RNF32: variants seen among roughly 807,000 people sequenced by gnomAD.
RNF32 encodes ring finger protein 32.
In RNF32, 36 loss-of-function variants were observed where a neutral mutation model predicts 41.0. The ratio of observed to expected loss-of-function variants is 0.88; its 90% CI spans 0.67 to 1.16. The LOEUF (loss-of-function observed/expected upper bound fraction) is 1.16, where lower values mean the gene tolerates loss of function less well. Among genes scored for constraint, RNF32 ranks in the 50% most tolerant of loss-of-function variants. RNF32 has a pLI of 0.00. For missense variants in RNF32, 413 were observed against 436.7 expected (o/e 0.95, Z 0.48); for synonymous variants, 154 against 160.9 (o/e 0.96, Z 0.32).
At position 156,676,590 on chromosome 7, in the gene RNF32, A is replaced by G; in HGVS notation, c.1024A>G (p.Arg342Gly). The G allele has an allele frequency of 6.2e-7, 1 of 1,614,234 alleles. No individual in the cohort carries two copies. Among genetic ancestry groups the G allele is most frequent in the Non-Finnish European group, 8.5e-7 (1 of 1,180,036 alleles). ...ACTAGAGGAGTTCTCCGTGGGAGAC[A>G]GGCCTCCTTTCCATGCCTGTCCTCT... ...LALEEFSVGDRPPFHACPLCR... is the reference protein window; with the variant it reads ...LALEEFSVGDGPPFHACPLCR... Residue 342 changes from arginine to glycine, a missense_variant, in exon 9 of 9, where the codon AGG becomes GGG. Arg to Gly is a moderately radical substitution (Grantham distance 125, BLOSUM62 -2). Transcript: ENST00000317955.
At chr7:156,649,671 C>T (rs774639248) in intron 3 of RNF32, among the ~76,000 whole-genome samples, 3 of 151,972 alleles carry the variant, frequency 2.0e-5, no homozygotes, top group Non-Finnish European at 2.9e-5. Flanking sequence ...TTTAGATGAG[C>T]GTGTTTGTTG....
rs768738781 is a variant in RNF32 at position 156,644,746 on chromosome 7, C to T, written c.263C>T (p.Pro88Leu). 1.1e-5 allele frequency: 18 copies of T among 1,606,878 alleles called. No homozygotes were observed. The highest frequency in any genetic ancestry group is 5.4e-5 in the African/African-American group (4 of 74,216). The change falls in exon 3 of 9, where the codon CCG becomes CTG. Residue 88 changes from proline (P) to leucine (L), a missense_variant. Physicochemically the swap from Pro to Leu is moderately conservative, Grantham distance 98. Transcript: ENST00000317955. ...KEYVLDPKPP[P>L]LTLAQKLGLI... Reference sequence around the variant, plus strand: ...TATGTTCTTGATCCCAAACCGCCGCCGTTGACTTTGGGTAAGCTGACGTAG... The same window carrying T: ...TATGTTCTTGATCCCAAACCGCCGCTGTTGACTTTGGGTAAGCTGACGTAG...
intron 3 of RNF32, among the ~76,000 whole-genome samples, chr7:156,650,780 C>T (rs576810136): frequency 2.6e-4 from 39 of 152,346 alleles, no homozygotes; most frequent in Admixed American, 5.2e-4. Context: ...AAGAGCTGCC[C>T]TGAGGCAGCG....
At chr7:156,651,920 T>G (rs1304271639) in intron 3 of RNF32, among the ~76,000 whole-genome samples, 1 of 152,050 alleles carries the variant, frequency 6.6e-6, no homozygotes, top group Non-Finnish European at 1.5e-5. Flanking sequence ...CCCCGGCCCC[T>G]CCCCGGGCTC....
At chr7:156,645,327 G>A (rs141904550) in intron 3 of RNF32, among the ~76,000 whole-genome samples, 73 of 152,282 alleles carry the variant, frequency 4.8e-4, no homozygotes, top group Admixed American at 2.0e-3. Flanking sequence ...AGTAACGCAC[G>A]GGCCAGCATC....
intron 1 of RNF32, 154 bp from the exon 2 acceptor site, chr7:156,643,647 T>A: frequency 1.8e-6 from 1 of 571,388 alleles, no homozygotes; most frequent in South Asian, 2.4e-5. Context: ...GTTCACCCCC[T>A]TCCTCCAGAA....
rs546648754 is a variant in RNF32 at position 156,658,444 on chromosome 7, C to A, written c.576-18C>A. 16 of 1,591,162 alleles carry A rather than the reference C, an allele frequency of 1.0e-5. No homozygotes were observed. The highest frequency in any genetic ancestry group is 8.4e-5 in the Admixed American group (5 of 59,824). On this transcript the variant is annotated intron_variant, in intron 6 of 8. Coordinates refer to ENST00000317955, the MANE Select transcript of RNF32 (RefSeq NM_030936.4). ...AGAGTCATCATAAATTAGTCATTTT[C>A]AAATATCTGTGTTTTAGAATCCAAG...
intron 7 of RNF32, among the ~76,000 whole-genome samples, chr7:156,664,985 C>T (rs1473938458): frequency 6.6e-6 from 1 of 152,026 alleles, no homozygotes; most frequent in Non-Finnish European, 1.5e-5. Context: ...TAAAATGAGG[C>T]TTGTTAAGCT....
intron 7 of RNF32, among the ~76,000 whole-genome samples, chr7:156,674,785 T>G (rs189488821): frequency 6.6e-6 from 1 of 152,366 alleles, no homozygotes; most frequent in African/African-American, 2.4e-5. Context: ...AAAATTAATT[T>G]CACCTTTTAA....
At position 156,641,916 on chromosome 7, in the gene RNF32, G is replaced by T. The variant is rs186450152; in HGVS notation, c.-78+1105G>T. Among the ~76,000 whole-genome samples, 18 of 152,324 alleles carry T rather than the reference G, an allele frequency of 1.2e-4. No homozygotes were observed. In the South Asian group the frequency reaches 1.2e-3, roughly 11 times the overall value. ...TGAACGGGAACAGAAAAGGGCTGTA[G>T]TAAGAACCATCATCAAAGCCTCCAG... On this transcript the variant is annotated intron_variant, in intron 1 of 8. Coordinates refer to ENST00000317955, the MANE Select transcript of RNF32 (RefSeq NM_030936.4).
intron 7 of RNF32, among the ~76,000 whole-genome samples, chr7:156,668,179 A>T (rs939806761): frequency 2.0e-5 from 3 of 152,198 alleles, no homozygotes; most frequent in Non-Finnish European, 2.9e-5. Flanking sequence ...CACAGGAAAA[A>T]GTTAACACTG....
chr7:156,675,151 G>A (rs576276917), intron 7 of RNF32, among the ~76,000 whole-genome samples: 22 of 152,218 alleles, frequency 1.4e-4, no homozygotes, highest in Non-Finnish European at 2.8e-4. Context: ...AAGGGGCAGC[G>A]GAGACCCGAA....
intron 3 of RNF32, among the ~76,000 whole-genome samples, chr7:156,645,022 T>TA (rs1797811055): frequency 6.6e-6 from 1 of 152,064 alleles, no homozygotes. Context: ...TAAAAATAAA[T>TA]AATTGAGTAA....
intron 3 of RNF32, among the ~76,000 whole-genome samples, chr7:156,651,926 G>A (rs1798795501): frequency 1.3e-5 from 2 of 152,024 alleles, no homozygotes; most frequent in Admixed American, 1.3e-4. Flanking sequence ...CCCCTCCCCG[G>A]GCTCCCTCTT....
intron 7 of RNF32, among the ~76,000 whole-genome samples, chr7:156,671,663 C>T (rs765244232): frequency 1.3e-5 from 2 of 152,176 alleles, no homozygotes; most frequent in African/African-American, 2.4e-5. Context: ...GTTTGCGGTA[C>T]AGGCGGTCCT....
chr7:156,676,944 TA>T lies in RNF32; in HGVS notation c.*290del. The T allele has an allele frequency of 2.9e-6, 1 of 349,818 alleles. No individual in the cohort carries two copies. Among genetic ancestry groups the T allele is most frequent in the Admixed American group, 4.2e-5 (1 of 23,764 alleles). 21.7% of individuals were successfully genotyped at this position (349,818 alleles called of 1,614,324 possible). ...CTAAAAATTGAGGTTAAGATATAGC[TA>T]GTGTCTGAACGACACTCCTTAAAGT... is the stretch of plus-strand genomic sequence containing the variant. On this transcript the variant is annotated 3_prime_UTR_variant, in exon 9 of 9. Transcript: ENST00000317955.
At position 156,676,439 on chromosome 7, in the gene RNF32, CG is replaced by C; in HGVS notation, c.874del (p.Glu292SerfsTer43). Reference sequence around the variant, plus strand: ...CGCAGGCTCTGCGCCGGGAGACCCACGAGTGCTCCATCTGCCTGGCCCCTCT... The same window carrying C: ...CGCAGGCTCTGCGCCGGGAGACCCACAGTGCTCCATCTGCCTGGCCCCTCT... Reference protein sequence around the residue: ...QVQALRRETHECSICLAPLSA... With the variant: ...QVQALRRETHXCSICLAPLSA... On this transcript the variant is annotated frameshift_variant, in exon 9 of 9. Coordinates refer to ENST00000317955, the MANE Select transcript of RNF32 (RefSeq NM_030936.4). LOFTEE classifies it low-confidence loss of function (END_TRUNC). 1.2e-6 allele frequency: 2 copies of C among 1,613,886 alleles called. No homozygotes were observed. The highest frequency in any genetic ancestry group is 1.7e-6 in the Non-Finnish European group (2 of 1,179,950).
rs1414803243 is a variant in RNF32 at position 156,669,581 on chromosome 7, CCT to C, written c.685-6114_685-6113del. Reference sequence around the variant, plus strand: ...TCCAGGACCCAGACCCCTGTGAGGCCCTGAGCTGGGCGCTGAGCAGATAGGTC... The same window carrying C: ...TCCAGGACCCAGACCCCTGTGAGGCCGAGCTGGGCGCTGAGCAGATAGGTC... On this transcript the variant is annotated intron_variant, in intron 7 of 8. Coordinates refer to ENST00000317955, the MANE Select transcript of RNF32 (RefSeq NM_030936.4). This position sits in a 1 kb window ranked among gnomAD's most constrained non-coding sequence, Gnocchi z 4.2. Among the ~76,000 whole-genome samples the C allele has an allele frequency of 6.6e-6, 1 of 152,120 alleles. No homozygotes were observed. Among genetic ancestry groups the C allele is most frequent in the Non-Finnish European group, 1.5e-5 (1 of 68,016 alleles).
In RNF32 at chr7:156,652,694, A is replaced by T. The variant is rs113590463; in HGVS notation, c.275-1882A>T. On this transcript the variant is annotated intron_variant, in intron 3 of 8. Coordinates refer to ENST00000317955, the MANE Select transcript of RNF32 (RefSeq NM_030936.4). ...TGTCTTAGTTTTTAACAAAAAAGTT[A>T]AAAAAAAAAGATTTGAGAAATAGAA... 4.7e-3 allele frequency among the ~76,000 whole-genome samples: 696 copies of T among 149,084 alleles called. 3 individuals carry two copies. Among genetic ancestry groups the T allele is most frequent in the Middle Eastern group, 0.024 (7 of 288 alleles).
Sources: gnomAD v4.1 joint callset for allele counts (sites outside exome capture counted in the v4.1 genomes callset) on GRCh38, gnomAD v4.1.1 for gene constraint, Gnocchi (gnomAD v3.1) non-coding constraint, MANE v1.5 for transcripts, NCBI Gene and HGNC (gene_info 2026-07-23, HGNC 2026-07-21) for gene names.